DMD: variants seen among roughly 807,000 people sequenced by gnomAD.
DMD encodes mutant dystrophin.
Under a neutral mutation model 330.1 loss-of-function variants are expected in DMD, and 63 were observed. The ratio of observed to expected loss-of-function variants is 0.19; its 90% CI spans 0.16 to 0.24. DMD has a LOEUF of 0.24. DMD is among the 10% of genes least tolerant of loss of function. DMD has a pLI of 1.00. For synonymous variants in DMD, 1,223 were observed against 959.8 expected, an observed-to-expected ratio of 1.27 and a Z score of -5.07; for missense variants, 3,344 against 2,684.1, an observed-to-expected ratio of 1.25 and a Z score of -5.43.
intron 50 of DMD, among the ~76,000 whole-genome samples, chrX:31,803,741 C>T (rs1026852829): frequency 2.8e-5 from 3 of 107,417 alleles, no homozygotes; most frequent in Admixed American, 1.0e-4. Context: ...CTCTTGTTGC[C>T]CAGGCTGGAG....
chrX:31,711,359 G>C (rs1298411429), intron 52 of DMD, among the ~76,000 whole-genome samples: 2 of 111,784 alleles, frequency 1.8e-5, no homozygotes, highest in Admixed American at 1.9e-4. Context: ...GGAAACACTC[G>C]ATTTGACACC....
chrX:31,299,774 TAAA>T (rs35813284), intron 62 of DMD, among the ~76,000 whole-genome samples: 11,088 of 56,585 alleles, frequency 0.2, 813 homozygotes, highest in African/African-American at 0.24. Context: ...GACTCCGTCT[TAAA>T]AAAAAAAAAA....
At chrX:32,985,193 T>C (rs761465763) in intron 2 of DMD, among the ~76,000 whole-genome samples, 12 of 112,403 alleles carry the variant, frequency 1.1e-4, no homozygotes, top group African/African-American at 3.9e-4. Flanking sequence ...AAAATGCAGA[T>C]GTGTATATTC....
intron 9 of DMD, among the ~76,000 whole-genome samples, chrX:32,688,915 G>T (rs1411310283): frequency 9.1e-6 from 1 of 109,712 alleles, no homozygotes; most frequent in African/African-American, 3.4e-5. Context: ...TCACTTATAT[G>T]TCAAGAAGAA....
At chrX:33,059,969 A>G (rs926470119) in intron 1 of DMD, among the ~76,000 whole-genome samples, 1 of 112,216 alleles carries the variant, frequency 8.9e-6, no homozygotes, top group African/African-American at 3.2e-5. Context: ...AGCCAAGATT[A>G]GTTTTCAGTT....
chrX:32,428,416 T>C (rs915388733), intron 29 of DMD, among the ~76,000 whole-genome samples: 2 of 111,527 alleles, frequency 1.8e-5, no homozygotes, highest in African/African-American at 6.5e-5. Flanking sequence ...ACACTCTGAT[T>C]TGGGGTTCTC....
intron 30 of DMD, among the ~76,000 whole-genome samples, chrX:32,404,868 C>T (rs1406337641): frequency 3.6e-5 from 4 of 111,441 alleles, no homozygotes; most frequent in African/African-American, 1.3e-4. Flanking sequence ...AGTTCAGCCT[C>T]AAACATCTAT....
rs754158494 is a variant in DMD, at chrX:32,595,786, C to T, written c.1573G>A (p.Ala525Thr). Residue 525 changes from alanine to threonine, a missense_variant, in exon 13 of 79, where the codon GCA becomes ACA. Coordinates refer to ENST00000357033, the MANE Select transcript of DMD (RefSeq NM_004006.3). ...VVVDESSGDH[A>T]TAALEEQLKV... ...AGTTGTTCTTCCAAAGCAGCAGTTG[C>T]GTGATCTCCACTAGATTCATCAACT... The T allele has an allele frequency of 6.2e-5, 75 of 1,208,402 alleles. No individual in the cohort carries two copies. Among genetic ancestry groups the T allele is most frequent in the Non-Finnish European group, 7.9e-5 (71 of 893,710 alleles).
rs190104794 is a variant in DMD at position 32,732,233 on chromosome X, G to A, written c.650-32940C>T. Among the ~76,000 whole-genome samples, 1,038 of 110,907 alleles carry A rather than the reference G, an allele frequency of 9.4e-3. 9 individuals are homozygous for A. The highest frequency in any genetic ancestry group is 0.033 in the African/African-American group (998 of 30,486). ...GAGGAAAAAGAATAAAAAGAAATGA[G>A]CAAAGCCTCCAAGAAATATGGGACT... On this transcript the variant is annotated intron_variant, in intron 7 of 78. Transcript: ENST00000357033.
At chrX:31,431,321 C>T (rs2064056582) in intron 60 of DMD, among the ~76,000 whole-genome samples, 1 of 111,765 alleles carries the variant, frequency 8.9e-6, no homozygotes, top group South Asian at 3.8e-4. Context: ...GGAGTGGAAT[C>T]TGAAGTTCAT....
At chrX:32,336,183 T>C (rs1403381958) in intron 41 of DMD, among the ~76,000 whole-genome samples, 1 of 110,340 alleles carries the variant, frequency 9.1e-6, no homozygotes, top group African/African-American at 3.3e-5. Flanking sequence ...TGTATATATG[T>C]ATAGCATGTC....
chrX:32,038,055 G>A (rs763536138), intron 44 of DMD, among the ~76,000 whole-genome samples: 39 of 111,653 alleles, frequency 3.5e-4, no homozygotes, highest in Admixed American at 8.6e-4. Flanking sequence ...TTCAACAAAC[G>A]TCTTCTAATC....
At chrX:32,511,766 C>T (rs1389744208) in intron 18 of DMD, among the ~76,000 whole-genome samples, 1 of 110,299 alleles carries the variant, frequency 9.1e-6, no homozygotes, top group African/African-American at 3.3e-5. Flanking sequence ...TATGTGTCTA[C>T]ATGCATATAC....
At chrX:32,348,167 A>T (rs1039639447) in intron 38 of DMD, among the ~76,000 whole-genome samples, 3 of 111,236 alleles carry the variant, frequency 2.7e-5, no homozygotes, top group South Asian at 3.8e-4. Flanking sequence ...AAAGTAGGTC[A>T]GGTCAAAAGA....
chrX:32,207,890 A>G (rs1465926748), intron 44 of DMD, among the ~76,000 whole-genome samples: 1 of 111,875 alleles, frequency 8.9e-6, no homozygotes, highest in African/African-American at 3.2e-5. Flanking sequence ...AATACATACA[A>G]CAGCCATAAA....
rs1350592602 is a variant in DMD, at chrX:31,138,670, A to T, written c.10922-4476T>A. On this transcript the variant is annotated intron_variant, in intron 76 of 78. Coordinates refer to ENST00000357033, the MANE Select transcript of DMD (RefSeq NM_004006.3). ...GAGAGAGAGAGAGAGAGAGAGAGAG[A>T]GAGAGAGAGAGAGAGAGAAGGGGGA... is the stretch of plus-strand genomic sequence containing the variant. Among the ~76,000 whole-genome samples the T allele has an allele frequency of 1.6e-3, 59 of 35,941 alleles. 4 individuals are homozygous for T. Among genetic ancestry groups the T allele is most frequent in the Middle Eastern group, 0.018 (1 of 56 alleles). 31.2% of individuals were successfully genotyped at this position (35,941 alleles called of 115,157 possible).
chrX:32,210,077 A>G (rs749748425), intron 44 of DMD, among the ~76,000 whole-genome samples: 5 of 111,749 alleles, frequency 4.5e-5, no homozygotes, highest in Admixed American at 3.8e-4. Context: ...TATTTACGCA[A>G]GGATGAAGTG....
intron 7 of DMD, among the ~76,000 whole-genome samples, chrX:32,744,107 T>A (rs961432257): frequency 1.2e-4 from 13 of 110,602 alleles, no homozygotes; most frequent in African/African-American, 3.9e-4. Context: ...GTAAGCACAC[T>A]CAGGGCTTTT....
chrX:31,226,154 T>G (rs1026440903), intron 63 of DMD, among the ~76,000 whole-genome samples: 1 of 111,894 alleles, frequency 8.9e-6, no homozygotes, highest in Non-Finnish European at 1.9e-5. Flanking sequence ...CACCCAGATC[T>G]GTGAATCCGA....
Sources: gnomAD v4.1 joint callset for allele counts (sites outside exome capture counted in the v4.1 genomes callset) on GRCh38, gnomAD v4.1.1 for gene constraint, MANE v1.5 for transcripts, NCBI Gene and HGNC (gene_info 2026-07-23, HGNC 2026-07-21) for gene names.